ZNF804A: variants seen among roughly 807,000 people sequenced by gnomAD.
ZNF804A encodes zinc finger protein 804A.
A neutral mutation model predicts 16.5 loss-of-function variants in ZNF804A; 2 were observed. The observed-to-expected ratio is 0.12, with a 90% CI of 0.05 to 0.38. The LOEUF is 0.38. Ranked by LOEUF, ZNF804A falls within the 10% of genes least tolerant of loss-of-function variation. The pLI, the probability that ZNF804A is intolerant of heterozygous loss-of-function variation, is 0.99. For synonymous variants in ZNF804A, 534 were observed against 489.6 expected (o/e 1.09, Z -1.20); for missense variants, 1,473 against 1,390.7 (o/e 1.06, Z -0.94).
intron 1 of ZNF804A, among the ~76,000 whole-genome samples, chr2:184,676,790 C>G (rs1289381771): frequency 6.6e-6 from 1 of 151,770 alleles, no homozygotes; most frequent in Non-Finnish European, 1.5e-5. Flanking sequence ...CAGGACCACA[C>G]TGTAGTGTTC....
intron 2 of ZNF804A, among the ~76,000 whole-genome samples, chr2:184,893,835 T>C (rs1464185147): frequency 2.6e-5 from 4 of 152,154 alleles, no homozygotes; most frequent in Non-Finnish European, 4.4e-5. Context: ...ATTGATGTCT[T>C]AGATATAGTT....
At position 184,643,085 on chromosome 2, in the gene ZNF804A, G is replaced by A. The variant is rs187429112; in HGVS notation, c.111+44015G>A. The stretch of plus-strand genomic sequence containing the variant: ...TAGACACAGAATCTCACATTAAAAA[G>A]CACATCTACTAGTGGCATGGCATAA... On this transcript the variant is annotated intron_variant, in intron 1 of 3. Transcript: ENST00000302277. 1.3e-3 allele frequency among the ~76,000 whole-genome samples: 199 copies of A among 152,084 alleles called. 1 individual carries two copies. The highest frequency in any genetic ancestry group is 4.7e-3 in the African/African-American group (196 of 41,540).
At chr2:184,881,037 G>A (rs1431996170) in intron 2 of ZNF804A, among the ~76,000 whole-genome samples, 2 of 152,156 alleles carry the variant, frequency 1.3e-5, no homozygotes, top group Middle Eastern at 3.4e-3. Flanking sequence ...TGATACAGTA[G>A]ATTATAGGTG....
chr2:184,752,525 T>A (rs1314142445), intron 1 of ZNF804A, among the ~76,000 whole-genome samples: 8 of 151,482 alleles, frequency 5.3e-5, no homozygotes, highest in Admixed American at 2.0e-4. Context: ...GTTTATCAGG[T>A]ACAATGTTCA....
At chr2:184,885,504 A>G (rs1391546225) in intron 2 of ZNF804A, among the ~76,000 whole-genome samples, 1 of 152,180 alleles carries the variant, frequency 6.6e-6, no homozygotes, top group Non-Finnish European at 1.5e-5. Context: ...ATCCTACACA[A>G]CCACATAGAA....
At chr2:184,811,837 A>C (rs1694907126) in intron 1 of ZNF804A, among the ~76,000 whole-genome samples, 1 of 152,222 alleles carries the variant, frequency 6.6e-6, no homozygotes, top group African/African-American at 2.4e-5. Context: ...AATTTACAAC[A>C]TGGCAGTCAA....
chr2:184,900,409 A>G (rs980902284), intron 2 of ZNF804A, among the ~76,000 whole-genome samples: 2 of 152,140 alleles, frequency 1.3e-5, no homozygotes, highest in Non-Finnish European at 2.9e-5. Context: ...AATTCGCTTA[A>G]ATCAATCTAG....
In ZNF804A at chr2:184,936,486, G is replaced by T; in HGVS notation, c.1090G>T (p.Asp364Tyr). The change falls in exon 4 of 4, where the codon GAC becomes TAC. Residue 364 changes from aspartate (D) to tyrosine (Y), a missense_variant. Coordinates refer to ENST00000302277, the MANE Select transcript of ZNF804A (RefSeq NM_194250.2). Reference sequence around the variant, plus strand: ...GTTAGGAAATAAATCCACAGTTCTTGACATGTCTAATGATTGCATATCTGT... The same window carrying T: ...GTTAGGAAATAAATCCACAGTTCTTTACATGTCTAATGATTGCATATCTGT... ...ELLGNKSTVLDMSNDCISVQA... is the reference protein window; with the variant it reads ...ELLGNKSTVLYMSNDCISVQA... The T allele has an allele frequency of 6.2e-7, 1 of 1,613,886 alleles. No individual in the cohort carries two copies. The highest frequency in any genetic ancestry group is 8.5e-7 in the Non-Finnish European group (1 of 1,179,934).
rs185072713 is a variant in ZNF804A, at chr2:184,624,609, G to T, written c.111+25539G>T. ...TTATTCATAACAGAGGTTCCAGGTT[G>T]TAACTAAAAAATGGGGCTCCATTTG... On this transcript the variant is annotated intron_variant, in intron 1 of 3. Transcript: ENST00000302277. Among the ~76,000 whole-genome samples the T allele has an allele frequency of 1.0e-3, 158 of 152,210 alleles. 2 individuals are homozygous for T. The highest frequency in any genetic ancestry group is 3.6e-3 in the African/African-American group (150 of 41,550).
At chr2:184,659,782 T>C (rs995229477) in intron 1 of ZNF804A, among the ~76,000 whole-genome samples, 1 of 152,210 alleles carries the variant, frequency 6.6e-6, no homozygotes, top group Non-Finnish European at 1.5e-5. Context: ...TTTATTATTA[T>C]TTTCTGTGCA....
chr2:184,732,129 A>G (rs1209190104), intron 1 of ZNF804A, among the ~76,000 whole-genome samples: 1 of 151,316 alleles, frequency 6.6e-6, no homozygotes, highest in Non-Finnish European at 1.5e-5. Context: ...ATCTTGCCAA[A>G]CTCATCATCT....
chr2:184,735,537 C>T (rs1693593481), intron 1 of ZNF804A, among the ~76,000 whole-genome samples: 1 of 152,082 alleles, frequency 6.6e-6, no homozygotes, highest in African/African-American at 2.4e-5. Context: ...ATGTGTATAC[C>T]TATGTAACAA....
intron 1 of ZNF804A, among the ~76,000 whole-genome samples, chr2:184,834,064 G>C (rs1695305684): frequency 6.6e-6 from 1 of 151,952 alleles, no homozygotes; most frequent in Non-Finnish European, 1.5e-5. Flanking sequence ...TCAATTAATG[G>C]TTGTGAGTGA....
At chr2:184,666,077 T>A (rs1692249829) in intron 1 of ZNF804A, among the ~76,000 whole-genome samples, 1 of 152,196 alleles carries the variant, frequency 6.6e-6, no homozygotes, top group Non-Finnish European at 1.5e-5. Context: ...AATTGAAAAT[T>A]ATGGTAACCA....
At chr2:184,709,216 A>T (rs1349588513) in intron 1 of ZNF804A, among the ~76,000 whole-genome samples, 1 of 152,136 alleles carries the variant, frequency 6.6e-6, no homozygotes, top group East Asian at 1.9e-4. Flanking sequence ...TTGAATTCAG[A>T]ATGTCAGTGC....
At chr2:184,689,031 C>T (rs957876362) in intron 1 of ZNF804A, among the ~76,000 whole-genome samples, 8 of 152,002 alleles carry the variant, frequency 5.3e-5, no homozygotes, top group African/African-American at 1.9e-4. Flanking sequence ...AATTTAACAA[C>T]ATTTAATAAC....
intron 1 of ZNF804A, among the ~76,000 whole-genome samples, chr2:184,741,233 A>G (rs1246875053): frequency 6.6e-6 from 1 of 152,118 alleles, no homozygotes; most frequent in Non-Finnish European, 1.5e-5. Flanking sequence ...TAAAGATTAA[A>G]TCATCCAAAG....
rs1692108889 is a variant in ZNF804A at position 184,657,981 on chromosome 2, T to C, written c.111+58911T>C. 2.0e-5 allele frequency among the ~76,000 whole-genome samples: 3 copies of C among 152,214 alleles called. No homozygotes were observed. In the South Asian group the frequency reaches 6.2e-4, roughly 31 times the overall value. On this transcript the variant is annotated intron_variant, in intron 1 of 3. Coordinates refer to ENST00000302277, the MANE Select transcript of ZNF804A (RefSeq NM_194250.2). ...TTACTTTGTTCCTGCTCAATACGATTGTCAAATTGTTCATTAGTGTTGGAT... is the reference window on the plus strand; with the variant it reads ...TTACTTTGTTCCTGCTCAATACGATCGTCAAATTGTTCATTAGTGTTGGAT...
intron 2 of ZNF804A, among the ~76,000 whole-genome samples, chr2:184,894,948 C>G (rs12999259): frequency 0.19 from 28,343 of 151,974 alleles, 3,226 homozygotes; most frequent in African/African-American, 0.32. Flanking sequence ...CCACGTCGGC[C>G]TCCAAGATTC....
Sources: gnomAD v4.1 joint callset for allele counts (sites outside exome capture counted in the v4.1 genomes callset) on GRCh38, gnomAD v4.1.1 for gene constraint, MANE v1.5 for transcripts, NCBI Gene and HGNC (gene_info 2026-07-23, HGNC 2026-07-21) for gene names.